LMNB2: variants seen among roughly 807,000 people sequenced by gnomAD.
LMNB2 encodes the protein lamin B2, also known as lamin-B2.
A neutral mutation model predicts 69.3 loss-of-function variants in LMNB2; 17 were observed. The observed-to-expected ratio is 0.25, with a 90% CI of 0.17 to 0.37. The LOEUF (loss-of-function observed/expected upper bound fraction) is 0.37. LMNB2 is among the 10% of genes least tolerant of loss of function. The probability of loss-of-function intolerance (pLI) is 1.00; values close to 1 mark genes in which losing one functional copy is unlikely to be tolerated. For synonymous variants in LMNB2, 397 were observed against 389.3 expected, an observed-to-expected ratio of 1.02 and a Z score of -0.23; for missense variants, 789 against 883.6, an observed-to-expected ratio of 0.89 and a Z score of 1.36.
intron 2 of LMNB2, among the ~76,000 whole-genome samples, chr19:2,439,827 G>A (rs1038681109): frequency 2.0e-5 from 3 of 150,506 alleles, no homozygotes; most frequent in Non-Finnish European, 4.4e-5. Flanking sequence ...TCCGCCTCCC[G>A]GGTTCAAACA....
chr19:2,431,536 CA>C lies in LMNB2; in HGVS notation c.1821+11del. On this transcript the variant is annotated intron_variant, in intron 11 of 11. Transcript: ENST00000325327. ...GCTGCCCCCCAGCCGCAAGTGGGCA[CA>C]GGGGTCCTACCTGTTGGTGGAAAAG... 6.2e-7 allele frequency: 1 copy of C among 1,614,060 alleles called. No individual in the cohort carries two copies. Among genetic ancestry groups the C allele is most frequent in the Non-Finnish European group, 8.5e-7 (1 of 1,179,968 alleles).
chr19:2,447,289 G>A lies in LMNB2; in HGVS notation c.265-2749C>T, dbSNP rs1328283023. 6.6e-6 allele frequency among the ~76,000 whole-genome samples: 1 copy of A among 152,184 alleles called. No homozygotes were observed. The highest frequency in any genetic ancestry group is 1.5e-5 in the Non-Finnish European group (1 of 68,034). ...TGACACCACAGTGTGGATGCCCCTT[G>A]AGGATGTCACACTCATGAGACGCCA... On this transcript the variant is annotated intron_variant, in intron 1 of 11. Transcript: ENST00000325327. This position sits in a 1 kb window ranked among gnomAD's most constrained non-coding sequence, Gnocchi z 4.4.
rs182925920 is a variant in LMNB2, at chr19:2,445,060, G to C, written c.265-520C>G. Among the ~76,000 whole-genome samples, 360 of 152,236 alleles carry C rather than the reference G, an allele frequency of 2.4e-3. 2 individuals are homozygous for C. The highest frequency in any genetic ancestry group is 3.0e-3 in the Non-Finnish European group (203 of 68,004). On this transcript the variant is annotated intron_variant, in intron 1 of 11. Coordinates refer to ENST00000325327, the MANE Select transcript of LMNB2 (RefSeq NM_032737.4). ...GAAAACTGGTGGGATGTTTAATCAA[G>C]GATCTCTCCCGCTGGGCACCATGGA... is the stretch of plus-strand genomic sequence containing the variant.
At position 2,434,507 on chromosome 19, in the gene LMNB2, G is replaced by A. The variant is rs777088437; in HGVS notation, c.990C>T (p.Ala330=). The change falls in exon 7 of 12, where the codon GCC becomes GCT. Residue 330 remains alanine (A), a synonymous_variant. Transcript: ENST00000325327. ...CCAGCTCCCGAATGCGATCTTCAGC[G>A]GCACTGGCCTGCGGAGGGGGCGGGT... The part of the protein sequence containing the change: ...QLSGLQKQAS[A]AEDRIRELEE... 3.1e-5 allele frequency: 50 copies of A among 1,612,320 alleles called. No homozygotes were observed. The highest frequency in any genetic ancestry group is 3.3e-5 in the South Asian group (3 of 91,080).
Position 2,438,285 on chromosome 19 carries a change from C to T in LMNB2, c.562G>A (p.Glu188Lys), listed in dbSNP as rs769178156. 9.9e-6 allele frequency: 16 copies of T among 1,613,874 alleles called. No homozygotes were observed. The highest frequency in any genetic ancestry group is 2.2e-5 in the South Asian group (2 of 91,088). ...TTTTTGGCCACTGCATGACCGTCCT[C>T]GGCCTGGGAGACACAGGACAGCGAG... ...AELRAQLAKA[E>K]DGHAVAKKQL... is the part of the protein sequence containing the mutation. The change falls in exon 4 of 12, where the codon GAG (glutamate) becomes AAG (lysine). Residue 188 changes from glutamate (E) to lysine (K), a missense_variant. Transcript: ENST00000325327.
chr19:2,429,322 C>CAAA lies in LMNB2; in HGVS notation c.*1588_*1589insTTT, dbSNP rs1233454563. ...GGGGCAGGCAAAGCTCCCTACCAGC[C>CAAA]GCCTGACTGGGAGCACAGCGGCGTA... is the stretch of plus-strand genomic sequence containing the variant. On this transcript the variant is annotated 3_prime_UTR_variant, in exon 12 of 12. Coordinates refer to ENST00000325327, the MANE Select transcript of LMNB2 (RefSeq NM_032737.4). 1 of 152,270 alleles carries CAAA rather than the reference C, an allele frequency of 6.6e-6. No homozygotes were observed. Among genetic ancestry groups the CAAA allele is most frequent in the Admixed American group, 6.5e-5 (1 of 15,290 alleles). 9.4% of individuals were successfully genotyped at this position (152,270 alleles called of 1,614,324 possible).
intron 5 of LMNB2, 40 bp downstream of exon 5, chr19:2,434,961 T>TCCCCCCCGCCCCCCCCCCCCCCCC: frequency 6.3e-7 from 1 of 1,582,978 alleles, no homozygotes; most frequent in Non-Finnish European, 8.6e-7. Flanking sequence ...GGGGCGGGGT[T>TCCCCCCCGCCCCCCCCCCCCCCCC]CCCACCGGCC....
At chr19:2,437,384 A>G (rs959297188) in intron 4 of LMNB2, among the ~76,000 whole-genome samples, 2 of 152,218 alleles carry the variant, frequency 1.3e-5, no homozygotes, top group Admixed American at 6.5e-5. Flanking sequence ...CAGAAGATGC[A>G]CCTGACGCCT....
chr19:2,436,305 G>A (rs2145450806), intron 4 of LMNB2, among the ~76,000 whole-genome samples: 1 of 152,222 alleles, frequency 6.6e-6, no homozygotes, highest in East Asian at 1.9e-4. Flanking sequence ...TTAGCTGGGT[G>A]TGGTGCTGTG....
At chr19:2,434,562 A>G in intron 6 of LMNB2, 47 bp from the exon 7 acceptor site, 1 of 1,586,866 alleles carries the variant, frequency 6.3e-7, no homozygotes, top group Non-Finnish European at 8.6e-7. Flanking sequence ...CATGGGTCAC[A>G]AGGCCCAGGT....
At chr19:2,432,737 AG>A (rs1370825164) in intron 8 of LMNB2, among the ~76,000 whole-genome samples, 1 of 106,160 alleles carries the variant, frequency 9.4e-6, no homozygotes, top group Non-Finnish European at 1.9e-5. Flanking sequence ...CCCATCAGCT[AG>A]GTCACTCCAT....
At position 2,453,382 on chromosome 19, in the gene LMNB2, C is replaced by T. The variant is rs1301981260; in HGVS notation, c.264+3288G>A. Reference sequence around the variant, plus strand: ...GCCTGAGGCTGCTCTCTGAACCCCACGTGGCCCACCTGTGTCTAGAAGGCC... The same window carrying T: ...GCCTGAGGCTGCTCTCTGAACCCCATGTGGCCCACCTGTGTCTAGAAGGCC... On this transcript the variant is annotated intron_variant, in intron 1 of 11. Transcript: ENST00000325327. The surrounding 1 kb of genome is among the most constrained non-coding windows in gnomAD (Gnocchi z 4.4). 2.0e-5 allele frequency among the ~76,000 whole-genome samples: 3 copies of T among 151,932 alleles called. No individual in the cohort carries two copies. The highest frequency in any genetic ancestry group is 7.3e-5 in the African/African-American group (3 of 41,346).
intron 2 of LMNB2, among the ~76,000 whole-genome samples, chr19:2,442,153 T>C (rs1971906664): frequency 6.6e-6 from 1 of 152,170 alleles, no homozygotes; most frequent in African/African-American, 2.4e-5. Context: ...GGAGATAAAT[T>C]TGTTAGGATA....
chr19:2,431,690 G>A (rs373868527), intron 10 of LMNB2, 32 bp from the exon 11 acceptor site: 142 of 1,613,830 alleles, frequency 8.8e-5, no homozygotes, highest in African/African-American at 2.5e-4. Flanking sequence ...GGCATGTCCC[G>A]GGATCGGGCC....
chr19:2,454,135 A>G (rs996436795), intron 1 of LMNB2, among the ~76,000 whole-genome samples: 1 of 151,992 alleles, frequency 6.6e-6, no homozygotes, highest in Non-Finnish European at 1.5e-5. Flanking sequence ...TCTACTAAAA[A>G]TACAAAAATG....
intron 6 of LMNB2, 116 bp downstream of exon 6, chr19:2,434,672 G>C: frequency 6.6e-7 from 1 of 1,504,278 alleles, no homozygotes; most frequent in Admixed American, 2.0e-5. Context: ...GCATCGCTGG[G>C]CGCCCCGAGG....
At chr19:2,444,596 C>G in intron 1 of LMNB2, 56 bp from the exon 2 acceptor site, 1 of 1,595,906 alleles carries the variant, frequency 6.3e-7, no homozygotes, top group African/African-American at 1.3e-5. Context: ...TGGACTACAG[C>G]AGTCAGGGGG....
At chr19:2,455,594 C>G (rs1221979807) in intron 1 of LMNB2, among the ~76,000 whole-genome samples, 1 of 152,162 alleles carries the variant, frequency 6.6e-6, no homozygotes, top group Non-Finnish European at 1.5e-5. Flanking sequence ...AGCTGGAGGC[C>G]CCTCTGCAGC....
intron 1 of LMNB2, among the ~76,000 whole-genome samples, chr19:2,451,162 T>C (rs992946577): frequency 2.6e-5 from 4 of 152,128 alleles, no homozygotes; most frequent in Admixed American, 2.6e-4. Context: ...AATCGCTTCA[T>C]CGCCTGAATC....
Sources: gnomAD v4.1 joint callset for allele counts (sites outside exome capture counted in the v4.1 genomes callset) on GRCh38, gnomAD v4.1.1 for gene constraint, Gnocchi (gnomAD v3.1) non-coding constraint, MANE v1.5 for transcripts, NCBI Gene and HGNC (gene_info 2026-07-23, HGNC 2026-07-21) for gene names.